OTOGL: variants seen among roughly 807,000 people sequenced by gnomAD.
OTOGL encodes the protein otogelin like, also known as otogelin-like protein.
OTOGL carries 285 observed loss-of-function variants against 318.5 expected under a neutral mutation model. The ratio of observed to expected loss-of-function variants is 0.89; its 90% CI spans 0.81 to 0.99. The LOEUF (loss-of-function observed/expected upper bound fraction) is 0.99. Ranked by LOEUF, OTOGL falls within the 50% of genes least tolerant of loss-of-function variation. OTOGL has a pLI of 0.00. For synonymous variants in OTOGL, 987 were observed against 936.5 expected, an observed-to-expected ratio of 1.05 and a Z score of -0.99; for missense variants, 2,899 against 2,845.6, an observed-to-expected ratio of 1.02 and a Z score of -0.43.
intron 2 of OTOGL, 77 bp downstream of exon 2, chr12:80,209,587 C>A: frequency 1.0e-6 from 1 of 998,624 alleles, no homozygotes; most frequent in South Asian, 1.7e-5. Flanking sequence ...ATAGTTTTCC[C>A]TTATAAAGCA....
At chr12:80,249,699 C>T (rs191380235) in intron 11 of OTOGL, among the ~76,000 whole-genome samples, 4,339 of 152,188 alleles carry the variant, frequency 0.029, 87 homozygotes, top group Non-Finnish European at 0.042. Flanking sequence ...CCACCCAGTT[C>T]GAGCTTCCCG....
chr12:80,294,252 C>T (rs938636242), intron 26 of OTOGL, among the ~76,000 whole-genome samples: 1 of 151,688 alleles, frequency 6.6e-6, no homozygotes, highest in Non-Finnish European at 1.5e-5. Context: ...TTACTGTGAG[C>T]ATAGCATGAA....
intron 1 of OTOGL, among the ~76,000 whole-genome samples, chr12:80,130,716 T>G (rs1871185903): frequency 6.6e-6 from 1 of 152,216 alleles, no homozygotes; most frequent in African/African-American, 2.4e-5. Flanking sequence ...GCAAATAATT[T>G]TCTAGGCTGA....
rs572414201 is a variant in OTOGL at position 80,307,596 on chromosome 12, G to A, written c.3333+1901G>A. On this transcript the variant is annotated intron_variant, in intron 29 of 58. Coordinates refer to ENST00000547103, the MANE Select transcript of OTOGL (RefSeq NM_001378609.3). ...CCCCAACCTCCCTCCTGGACGGGGC[G>A]GCTGGCTGGGCGGGGGGCTGACCCC... Among the ~76,000 whole-genome samples, 430 of 145,232 alleles carry A rather than the reference G, an allele frequency of 3.0e-3. 5 individuals are homozygous for A. Among genetic ancestry groups the A allele is most frequent in the African/African-American group, 0.01 (401 of 39,244 alleles).
At chr12:80,189,590 T>G in intron 1 of OTOGL, 1 of 571,194 alleles carries the variant, frequency 1.8e-6, no homozygotes, top group Non-Finnish European at 2.2e-6. Context: ...CCAAAAGAGA[T>G]AGATTGCAAA....
chr12:80,305,845 T>A (rs1331498852), intron 29 of OTOGL, 150 bp downstream of exon 29: 5 of 732,294 alleles, frequency 6.8e-6, no homozygotes, highest in Non-Finnish European at 9.8e-6. Context: ...TATCTTCTCA[T>A]GTAATTTTTC....
chr12:80,236,487 G>C (rs1024660744), intron 9 of OTOGL, among the ~76,000 whole-genome samples: 2 of 152,122 alleles, frequency 1.3e-5, no homozygotes, highest in African/African-American at 2.4e-5. Context: ...TGGTTCAAAA[G>C]CTGCAATTAA....
rs1159948959 is a variant in OTOGL at position 80,336,532 on chromosome 12, A to G, written c.4720A>G (p.Ile1574Val). The G allele has an allele frequency of 1.2e-6, 2 of 1,608,948 alleles. No individual in the cohort carries two copies. Among genetic ancestry groups the G allele is most frequent in the South Asian group, 1.1e-5 (1 of 90,220 alleles). ...RIPGEIIVAH[I>V]EKCSMNQNGN... ...TCCTGGTGAAATTATAGTTGCTCAT[A>G]TCGAAAAATGTTCCATGAATCAGGT... Residue 1574 changes from isoleucine (I) to valine (V), a missense_variant, in exon 40 of 59, where the codon ATC becomes GTC. This residue lies in a region of OTOGL where 2,607 missense variants were observed against 2,524.9 expected (regional missense o/e 1.03). Coordinates refer to ENST00000547103, the MANE Select transcript of OTOGL (RefSeq NM_001378609.3).
intron 35 of OTOGL, among the ~76,000 whole-genome samples, chr12:80,324,462 C>T (rs1887552344): frequency 6.6e-6 from 1 of 152,160 alleles, no homozygotes; most frequent in South Asian, 2.1e-4. Context: ...ACCAGAGAAT[C>T]ATATTAGTGG....
At chr12:80,339,430 C>G (rs535930743) in intron 43 of OTOGL, among the ~76,000 whole-genome samples, 166 bp downstream of exon 43, 10 of 142,592 alleles carry the variant, frequency 7.0e-5, no homozygotes, top group Non-Finnish European at 1.2e-4. Flanking sequence ...AATGATTTTT[C>G]CATAAATGTG....
intron 24 of OTOGL, among the ~76,000 whole-genome samples, chr12:80,273,083 C>T (rs560811956): frequency 6.6e-6 from 1 of 152,082 alleles, no homozygotes; most frequent in East Asian, 1.9e-4. Flanking sequence ...TTTACTGTCA[C>T]CTTTGATATT....
intron 1 of OTOGL, among the ~76,000 whole-genome samples, chr12:80,108,775 ATATATATATATG>A (rs1869613618): frequency 1.6e-5 from 2 of 125,886 alleles, no homozygotes; most frequent in Admixed American, 8.4e-5. Flanking sequence ...ATACACGTAT[ATATATATATATG>A]TATATATATA....
Position 80,323,746 on chromosome 12 carries a change from AG to A in OTOGL, c.4107del (p.Lys1370ArgfsTer24), listed in dbSNP as rs779773339. 2 of 1,613,870 alleles carry A rather than the reference AG, an allele frequency of 1.2e-6. No individual in the cohort carries two copies. The highest frequency in any genetic ancestry group is 1.7e-6 in the Non-Finnish European group (2 of 1,179,758). ...IEEIQAAVPY[R>X]KMCEWRYEPC... ...AGAAATCCAGGCAGCAGTGCCTTAC[AG>A]GAAGATGTGTGAATGGAGATATGAA... On this transcript the variant is annotated frameshift_variant, in exon 35 of 59. Coordinates refer to ENST00000547103, the MANE Select transcript of OTOGL (RefSeq NM_001378609.3). LOFTEE classifies it high-confidence loss of function.
In OTOGL at chr12:80,194,462, A is replaced by T. The variant is rs1875907559; in HGVS notation, c.-19-14951A>T. 2.6e-5 allele frequency among the ~76,000 whole-genome samples: 4 copies of T among 152,348 alleles called. No individual in the cohort carries two copies. In the South Asian group the frequency reaches 8.3e-4, roughly 32 times the overall value. ...TAAATCACCCAACAGAATCACCATA[A>T]GTCACCAAGAGTAATATAAGACTTA... On this transcript the variant is annotated intron_variant, in intron 1 of 58. Transcript: ENST00000547103.
At chr12:80,257,762 C>T in intron 17 of OTOGL, 63 bp from the exon 18 acceptor site, 1 of 1,332,890 alleles carries the variant, frequency 7.5e-7, no homozygotes, top group African/African-American at 1.5e-5. Flanking sequence ...GTGGTGTACC[C>T]TAGCATTTCA....
chr12:80,292,506 A>G (rs1158371452), intron 26 of OTOGL, among the ~76,000 whole-genome samples: 2 of 152,186 alleles, frequency 1.3e-5, no homozygotes, highest in South Asian at 2.1e-4. Flanking sequence ...CTCCAAAGTA[A>G]TCAGAAACCT....
chr12:80,123,164 C>T (rs1034622772), intron 1 of OTOGL, among the ~76,000 whole-genome samples: 3 of 152,062 alleles, frequency 2.0e-5, no homozygotes, highest in African/African-American at 7.2e-5. Flanking sequence ...AGGTATATCT[C>T]CTAATGCTAT....
At chr12:80,283,918 G>A (rs1174928216) in intron 26 of OTOGL, among the ~76,000 whole-genome samples, 1 of 151,998 alleles carries the variant, frequency 6.6e-6, no homozygotes, top group African/African-American at 2.4e-5. Context: ...GTGCAGGTTT[G>A]TTACATAGGT....
At chr12:80,367,489 A>G (rs1306818713) in intron 53 of OTOGL, 72 bp from the exon 54 acceptor site, 55 of 1,188,094 alleles carry the variant, frequency 4.6e-5, no homozygotes, top group Non-Finnish European at 5.9e-5. Flanking sequence ...AGACTCAAAT[A>G]TAAGTTCCAA....
Sources: allele counts gnomAD v4.1 joint callset (sites outside exome capture counted in the v4.1 genomes callset), GRCh38; gene constraint gnomAD v4.1.1; regional missense constraint gnomAD v4.1.1; transcripts MANE v1.5; gene names NCBI Gene and HGNC (gene_info 2026-07-23, HGNC 2026-07-21).